Variants in HK1 observed in about 807,000 individuals in gnomAD.
The protein encoded by HK1 is hexokinase-1.
HK1 carries 28 observed loss-of-function variants against 91.6 expected under a neutral mutation model. The observed-to-expected ratio is 0.31, with a 90% CI of 0.23 to 0.42. HK1 has a LOEUF of 0.42. Ranked by LOEUF, HK1 falls within the 10% of genes least tolerant of loss-of-function variation. The probability of loss-of-function intolerance (pLI) is 1.00; values close to 1 mark genes in which losing one functional copy is unlikely to be tolerated. For missense variants in HK1, 770 were observed against 1,219.8 expected, an observed-to-expected ratio of 0.63 and a Z score of 5.49; for synonymous variants, 430 against 468.1, an observed-to-expected ratio of 0.92 and a Z score of 1.05.
At chr10:69,399,404 C>T (rs764138911) in intron 17 of HK1, among the ~76,000 whole-genome samples, 12 of 152,106 alleles carry the variant, frequency 7.9e-5, no homozygotes, top group East Asian at 5.8e-4. Flanking sequence ...CCCAGCTACT[C>T]GGGAGGCTGA....
At chr10:69,276,122 C>A (rs4746833) in intron 1 of HK1, among the ~76,000 whole-genome samples, 1,637 of 48,492 alleles carry the variant, frequency 0.034, 414 homozygotes, top group East Asian at 0.065. Context: ...AAAAAAAATA[C>A]ATATATATAT....
intron 2 of HK1, among the ~76,000 whole-genome samples, chr10:69,353,261 A>C (rs998144194): frequency 2.6e-5 from 4 of 152,158 alleles, no homozygotes; most frequent in Admixed American, 1.3e-4. Context: ...TCGATGATTT[A>C]ATCAATCGCA....
At chr10:69,277,112 C>T (rs911281360) in intron 1 of HK1, among the ~76,000 whole-genome samples, 34 of 152,128 alleles carry the variant, frequency 2.2e-4, no homozygotes, top group Non-Finnish European at 4.6e-4. Flanking sequence ...TATTTGAATG[C>T]TAATTTCGCT....
chr10:69,387,759 G>C (rs138710585), intron 13 of HK1, among the ~76,000 whole-genome samples: 67 of 152,184 alleles, frequency 4.4e-4, no homozygotes, highest in African/African-American at 1.5e-3. Flanking sequence ...TTAGATTACA[G>C]GTGTGTTTCT....
chr10:69,348,412 A>G (rs1428598118), intron 2 of HK1, among the ~76,000 whole-genome samples: 4 of 152,248 alleles, frequency 2.6e-5, no homozygotes, highest in African/African-American at 9.6e-5. Context: ...GGTTATCTCA[A>G]GTATTCTCTC....
chr10:69,391,694 C>A (rs1289348381), intron 14 of HK1, among the ~76,000 whole-genome samples: 1 of 152,062 alleles, frequency 6.6e-6, no homozygotes, highest in Non-Finnish European at 1.5e-5. Context: ...AGAAGATAAT[C>A]CCCTAATATT....
At position 69,364,789 on chromosome 10, in the gene HK1, G is replaced by T. The variant is rs1849613195; in HGVS notation, c.382G>T (p.Asp128Tyr). ...GCTCTCATGTTTCCTTCAGCTTTTT[G>T]ATCATGTTGCTGAGTGCCTGGGAGA... Reference protein sequence around the residue: ...IVHGSGSQLFDHVAECLGDFM... With the variant: ...IVHGSGSQLFYHVAECLGDFM... The change falls in exon 4 of 18, where the codon GAT (aspartate) becomes TAT (tyrosine). Residue 128 changes from aspartate (D) to tyrosine (Y), a missense_variant. Transcript: ENST00000359426. 3 of 1,614,126 alleles carry T rather than the reference G, an allele frequency of 1.9e-6. No homozygotes were observed. The highest frequency in any genetic ancestry group is 1.1e-5 in the South Asian group (1 of 91,064).
chr10:69,321,056 C>T (rs139209660), intron 1 of HK1, among the ~76,000 whole-genome samples: 32 of 152,244 alleles, frequency 2.1e-4, no homozygotes, highest in African/African-American at 7.7e-4. Context: ...CCAAGGTTTC[C>T]ACCAGATATT....
intron 2 of HK1, among the ~76,000 whole-genome samples, chr10:69,350,073 G>A (rs1340143589): frequency 1.3e-5 from 2 of 152,100 alleles, no homozygotes; most frequent in Non-Finnish European, 2.9e-5. Flanking sequence ...TCCCCTTATA[G>A]CCAGCGATCT....
intron 1 of HK1, among the ~76,000 whole-genome samples, chr10:69,341,495 C>T (rs1030083237): frequency 6.6e-6 from 1 of 150,900 alleles, no homozygotes; most frequent in African/African-American, 2.4e-5. Flanking sequence ...GAGACAGTCT[C>T]ACTCTGTCAC....
chr10:69,343,565 C>A (rs1422937744), intron 1 of HK1, among the ~76,000 whole-genome samples: 2 of 152,168 alleles, frequency 1.3e-5, no homozygotes, highest in African/African-American at 4.8e-5. Context: ...GGTTGAAGAG[C>A]AGCTTCCATG....
At chr10:69,283,798 C>CAAAAAAAAAAAAAAA (rs571297748) in intron 2 of HK1, among the ~76,000 whole-genome samples, 4 of 67,570 alleles carry the variant, frequency 5.9e-5, no homozygotes, top group Non-Finnish European at 1.1e-4. Context: ...GACTCTGTCT[C>CAAAAAAAAAAAAAAA]AAAAAAAAAA....
At chr10:69,324,594 T>TA (rs958981680) in intron 1 of HK1, among the ~76,000 whole-genome samples, 33 of 151,188 alleles carry the variant, frequency 2.2e-4, no homozygotes, top group Admixed American at 4.0e-4. Flanking sequence ...AAATAATAAT[T>TA]AAAAAAAAAT....
chr10:69,358,796 A>G (rs956947702), intron 2 of HK1, among the ~76,000 whole-genome samples: 24 of 151,250 alleles, frequency 1.6e-4, no homozygotes, highest in African/African-American at 5.6e-4. Context: ...CTGGGAGGCC[A>G]AGGTTGCAGT....
At chr10:69,367,903 A>G (rs1186868809) in intron 4 of HK1, among the ~76,000 whole-genome samples, 3 of 152,380 alleles carry the variant, frequency 2.0e-5, no homozygotes, top group East Asian at 1.9e-4. Flanking sequence ...TTGGATGTCT[A>G]TCCTTGATGT....
intron 1 of HK1, among the ~76,000 whole-genome samples, chr10:69,319,503 A>T (rs969970465): frequency 6.6e-6 from 1 of 152,210 alleles, no homozygotes; most frequent in Non-Finnish European, 1.5e-5. Flanking sequence ...GGGCTCTCCC[A>T]GTTGTTTGAG....
chr10:69,300,580 C>T (rs1845811417), intron 4 of HK1: 1 of 697,920 alleles, frequency 1.4e-6, no homozygotes, highest in South Asian at 1.6e-5. Context: ...TTGAGTTGCA[C>T]ATCAAATCTG....
At chr10:69,385,310 A>G (rs1589575001) in intron 12 of HK1, among the ~76,000 whole-genome samples, 1 of 152,220 alleles carries the variant, frequency 6.6e-6, no homozygotes, top group Non-Finnish European at 1.5e-5. Flanking sequence ...ACAGTGTCCA[A>G]TCAGAGGAGA....
At chr10:69,309,340 C>A (rs1589462111) in intron 5 of HK1, among the ~76,000 whole-genome samples, 4 of 150,564 alleles carry the variant, frequency 2.7e-5, no homozygotes, top group Admixed American at 2.0e-4. Context: ...CGCCACCACG[C>A]CCGGCTAATT....
Sources: gnomAD v4.1 joint callset for allele counts (sites outside exome capture counted in the v4.1 genomes callset) on GRCh38, gnomAD v4.1.1 for gene constraint, MANE v1.5 for transcripts, NCBI Gene and HGNC (gene_info 2026-07-23, HGNC 2026-07-21) for gene names.